The following SLC38A12 variants were observed in gnomAD, a reference collection of about 807,000 sequenced individuals.
SLC38A12 encodes the protein putative sodium-coupled neutral amino acid transporter 12.
the SLC38A12 span, chr17:74,835,943 T>C: frequency 6.2e-7 from 1 of 1,603,730 alleles, no homozygotes; most frequent in Non-Finnish European, 8.5e-7. Flanking sequence ...CCGTCATGAT[T>C]GTGCTGGCCC....
At chr17:74,802,179 G>T in the SLC38A12 span, among the ~76,000 whole-genome samples, 3 of 152,302 alleles carry the variant, frequency 2.0e-5, no homozygotes, top group Middle Eastern at 3.4e-3. Flanking sequence ...GGAGAGGGTT[G>T]CTGTTTTTGT....
chr17:74,801,648 C>T, the SLC38A12 span, among the ~76,000 whole-genome samples: 2 of 152,190 alleles, frequency 1.3e-5, no homozygotes, highest in Non-Finnish European at 2.9e-5. Context: ...TACCCGCCAC[C>T]CAAGCAGAGC....
At chr17:74,834,436 C>G in the SLC38A12 span, among the ~76,000 whole-genome samples, 1 of 152,120 alleles carries the variant, frequency 6.6e-6, no homozygotes, top group Non-Finnish European at 1.5e-5. Context: ...CCCTCCTCCC[C>G]TCCTGTCCCC....
At chr17:74,799,112 C>T in the SLC38A12 span, among the ~76,000 whole-genome samples, 2 of 152,240 alleles carry the variant, frequency 1.3e-5, no homozygotes, top group Non-Finnish European at 2.9e-5. Flanking sequence ...TATTCCTGTC[C>T]CCTGTCTGGA....
the SLC38A12 span, among the ~76,000 whole-genome samples, chr17:74,807,616 T>G: frequency 6.6e-6 from 1 of 152,216 alleles, no homozygotes; most frequent in Non-Finnish European, 1.5e-5. Context: ...CCTCCGCAAG[T>G]GCCAGAGCAC....
the SLC38A12 span, chr17:74,795,146 C>T: frequency 7.8e-5 from 122 of 1,573,020 alleles, no homozygotes; most frequent in East Asian, 5.2e-4. Flanking sequence ...TTGGCGGTAG[C>T]CAAAGGGGCT....
chr17:74,837,274 C>T, the SLC38A12 span: 2 of 985,596 alleles, frequency 2.0e-6, no homozygotes, highest in East Asian at 1.1e-4. Context: ...ATGACAAGAA[C>T]AAGAAGTGCT....
At chr17:74,838,500 T>C in the SLC38A12 span, 1 of 1,021,532 alleles carries the variant, frequency 9.8e-7, no homozygotes, top group Non-Finnish European at 1.2e-6. Context: ...CGCAAATTCA[T>C]TAGCTTCATA....
chr17:74,807,944 T>G, the SLC38A12 span, among the ~76,000 whole-genome samples: 1 of 152,246 alleles, frequency 6.6e-6, no homozygotes, highest in Non-Finnish European at 1.5e-5. Flanking sequence ...TCCGTCAGGC[T>G]TGTGAAGAGC....
chr17:74,819,723 C>T, the SLC38A12 span: 37 of 1,608,266 alleles, frequency 2.3e-5, no homozygotes, highest in Non-Finnish European at 2.6e-5. Context: ...GGCCTGCACC[C>T]TCCTCACTCT....
chr17:74,780,038 C>T, the SLC38A12 span, among the ~76,000 whole-genome samples: 2 of 152,200 alleles, frequency 1.3e-5, no homozygotes, highest in South Asian at 4.1e-4. Context: ...TGACACAGAA[C>T]TGAAGTGGTT....
At chr17:74,827,081 A>G in the SLC38A12 span, among the ~76,000 whole-genome samples, 2 of 152,276 alleles carry the variant, frequency 1.3e-5, no homozygotes, top group South Asian at 4.1e-4. The surrounding 1 kb of genome is among the most constrained non-coding windows in gnomAD (Gnocchi z 4.7). Flanking sequence ...AGTATCATCC[A>G]GTCCCCCTCG....
chr17:74,836,811 A>C, the SLC38A12 span: 1 of 1,439,762 alleles, frequency 6.9e-7, no homozygotes, highest in Non-Finnish European at 9.1e-7. The surrounding 1 kb of genome is among the most constrained non-coding windows in gnomAD (Gnocchi z 4.2). Flanking sequence ...GCTCTAGGGG[A>C]AACCCCCTGT....
the SLC38A12 span, chr17:74,795,118 A>G: frequency 3.4e-4 from 556 of 1,613,228 alleles, 1 homozygote; most frequent in African/African-American, 6.9e-3. Context: ...CCTGGTGAGT[A>G]CCCTCCTGGC....
At chr17:74,797,440 G>A in the SLC38A12 span, among the ~76,000 whole-genome samples, 1 of 152,346 alleles carries the variant, frequency 6.6e-6, no homozygotes, top group East Asian at 1.9e-4. Context: ...TGGAGACCCT[G>A]GCTGCCCACG....
the SLC38A12 span, among the ~76,000 whole-genome samples, chr17:74,789,558 AAAAG>A: frequency 1.3e-5 from 2 of 150,944 alleles, no homozygotes; most frequent in Non-Finnish European, 3.0e-5. Context: ...AAAAAAAAAA[AAAAG>A]AGGCCGGGCA....
chr17:74,785,614 G>A, the SLC38A12 span: 1 of 1,612,154 alleles, frequency 6.2e-7, no homozygotes, highest in South Asian at 1.1e-5. Flanking sequence ...GTGAGAGGCA[G>A]CGGGGACTTC....
At chr17:74,785,438 G>A in the SLC38A12 span, 3 of 1,596,098 alleles carry the variant, frequency 1.9e-6, no homozygotes, top group Non-Finnish European at 2.6e-6. Flanking sequence ...AAGGGGAGAA[G>A]TTGATTAAGT....
the SLC38A12 span, among the ~76,000 whole-genome samples, chr17:74,814,150 C>G: frequency 6.6e-6 from 1 of 152,188 alleles, no homozygotes. Flanking sequence ...CTCTGGGAGC[C>G]AAGCAGACTG....
Sources: allele counts gnomAD v4.1 joint callset (sites outside exome capture counted in the v4.1 genomes callset), GRCh38; gene constraint gnomAD v4.1.1; non-coding constraint Gnocchi (gnomAD v3.1); transcripts MANE v1.5; gene names NCBI Gene and HGNC (gene_info 2026-07-23, HGNC 2026-07-21).